EPB41L5: variants seen among roughly 807,000 people sequenced by gnomAD.
EPB41L5 encodes the protein band 4.1-like protein 5.
A neutral mutation model predicts 106.6 loss-of-function variants in EPB41L5; 55 were observed. That is an observed-to-expected ratio of 0.52 (90% confidence interval 0.42 to 0.65). The LOEUF (loss-of-function observed/expected upper bound fraction) is 0.65, where lower values mean the gene tolerates loss of function less well. Among genes scored for constraint, EPB41L5 ranks in the 30% least tolerant of loss-of-function variants. The pLI, the probability that EPB41L5 is intolerant of heterozygous loss-of-function variation, is 0.00. For synonymous variants in EPB41L5, 297 were observed against 306.7 expected (o/e 0.97, Z 0.33); for missense variants, 871 against 882.1 (o/e 0.99, Z 0.16).
chr2:120,102,622 A>G (rs921009891), intron 16 of EPB41L5, among the ~76,000 whole-genome samples: 6 of 152,188 alleles, frequency 3.9e-5, no homozygotes, highest in African/African-American at 1.4e-4. Context: ...AATGCTTCCT[A>G]TGTTTGAACA....
At chr2:120,140,292 C>T (rs1019497033) in intron 18 of EPB41L5, among the ~76,000 whole-genome samples, 1 of 151,828 alleles carries the variant, frequency 6.6e-6, no homozygotes, top group Admixed American at 6.6e-5. Context: ...TTAAAAATAA[C>T]GGTATAATTG....
chr2:120,099,160 A>AT (rs1281968595), intron 14 of EPB41L5, among the ~76,000 whole-genome samples: 6 of 152,106 alleles, frequency 3.9e-5, no homozygotes, highest in Non-Finnish European at 5.9e-5. Flanking sequence ...CTTTCAAGGA[A>AT]TTTTTTTATA....
intron 2 of EPB41L5, 139 bp downstream of exon 2, chr2:120,019,403 T>C (rs1677774524): frequency 4.4e-6 from 3 of 679,136 alleles, no homozygotes; most frequent in South Asian, 2.5e-5. Flanking sequence ...CACTGTAACA[T>C]TCAGGTACAT....
intron 3 of EPB41L5, among the ~76,000 whole-genome samples, chr2:120,071,049 C>A (rs576868405): frequency 6.6e-6 from 1 of 152,208 alleles, no homozygotes; most frequent in South Asian, 2.1e-4. Flanking sequence ...AGTCAGATTG[C>A]CTCTGTTTGC....
chr2:120,102,318 GA>G (rs1482188693), intron 16 of EPB41L5, among the ~76,000 whole-genome samples: 3 of 152,106 alleles, frequency 2.0e-5, no homozygotes, highest in Non-Finnish European at 4.4e-5. Flanking sequence ...TAAGGAAAAT[GA>G]AAAATTTGGA....
At chr2:120,093,982 TG>T (rs1312298940) in intron 14 of EPB41L5, among the ~76,000 whole-genome samples, 1 of 152,048 alleles carries the variant, frequency 6.6e-6, no homozygotes, top group African/African-American at 2.4e-5. Flanking sequence ...TTTTTTTTGT[TG>T]GGGTGGGGGT....
chr2:120,150,054 G>A (rs1487788467), intron 20 of EPB41L5, among the ~76,000 whole-genome samples: 1 of 151,804 alleles, frequency 6.6e-6, no homozygotes, highest in African/African-American at 2.4e-5. Flanking sequence ...CACCATGCTC[G>A]GCTAAGTTTT....
intron 2 of EPB41L5, among the ~76,000 whole-genome samples, chr2:120,024,652 G>C (rs1160175235): frequency 6.6e-6 from 1 of 152,016 alleles, no homozygotes; most frequent in Non-Finnish European, 1.5e-5. Context: ...GTAGAGATGG[G>C]GTTTCACCGT....
At chr2:120,144,870 A>G (rs926183443) in intron 19 of EPB41L5, among the ~76,000 whole-genome samples, 7 of 152,248 alleles carry the variant, frequency 4.6e-5, no homozygotes, top group African/African-American at 1.7e-4. Context: ...AAAACCCAAG[A>G]TAGTTCACCA....
Position 120,073,172 on chromosome 2 carries a change from T to C in EPB41L5, c.286-6T>C. On this transcript the variant is annotated splice_region_variant and splice_polypyrimidine_tract_variant and intron_variant, in intron 3 of 24. Transcript: ENST00000263713. Reference sequence around the variant, plus strand: ...GCTTAACTAAATTTTTGTTTTTGTTTTTCAGCATTGGTTGGATGGTACAAA... The same window carrying C: ...GCTTAACTAAATTTTTGTTTTTGTTCTTCAGCATTGGTTGGATGGTACAAA... 1 of 1,601,580 alleles carries C rather than the reference T, an allele frequency of 6.2e-7. No individual in the cohort carries two copies. Among genetic ancestry groups the C allele is most frequent in the Non-Finnish European group, 8.5e-7 (1 of 1,177,376 alleles).
intron 3 of EPB41L5, among the ~76,000 whole-genome samples, chr2:120,067,364 C>T (rs115887183): frequency 5.9e-5 from 9 of 152,250 alleles, no homozygotes; most frequent in African/African-American, 1.7e-4. Flanking sequence ...TGCCTATCTG[C>T]GTTTCTGAAA....
At chr2:120,099,831 T>C (rs1162044499) in intron 14 of EPB41L5, among the ~76,000 whole-genome samples, 2 of 152,318 alleles carry the variant, frequency 1.3e-5, no homozygotes, top group South Asian at 2.1e-4. Flanking sequence ...TTTTGAGTTA[T>C]AAAACGCTGA....
At chr2:120,138,229 A>G (rs1038353499) in intron 18 of EPB41L5, among the ~76,000 whole-genome samples, 3 of 152,076 alleles carry the variant, frequency 2.0e-5, no homozygotes, top group African/African-American at 2.4e-5. Flanking sequence ...ACTAAAAGCC[A>G]TGTTATGACA....
intron 2 of EPB41L5, among the ~76,000 whole-genome samples, chr2:120,039,024 A>C (rs943818568): frequency 4.6e-5 from 7 of 152,254 alleles, no homozygotes; most frequent in Non-Finnish European, 1.0e-4. Context: ...ATTTTGCAAT[A>C]CGGATGAACC....
chr2:120,065,521 T>TA (rs1197910629), intron 3 of EPB41L5, among the ~76,000 whole-genome samples: 1 of 150,488 alleles, frequency 6.6e-6, no homozygotes, highest in Non-Finnish European at 1.5e-5. Context: ...TGTTCTTTTT[T>TA]TTTTTTTTTG....
chr2:120,166,683 A>T (rs12988474), intron 22 of EPB41L5, among the ~76,000 whole-genome samples: 2 of 152,082 alleles, frequency 1.3e-5, no homozygotes, highest in African/African-American at 4.8e-5. Context: ...TGATCTGCCC[A>T]CCTCGCCCTC....
chr2:120,023,656 G>A (rs1241456692), intron 2 of EPB41L5, among the ~76,000 whole-genome samples: 1 of 152,110 alleles, frequency 6.6e-6, no homozygotes, highest in Non-Finnish European at 1.5e-5. Flanking sequence ...GATTGTCTTG[G>A]CTATACGGGC....
At chr2:120,020,629 A>G (rs1677856925) in intron 2 of EPB41L5, among the ~76,000 whole-genome samples, 4 of 152,136 alleles carry the variant, frequency 2.6e-5, no homozygotes, top group African/African-American at 9.7e-5. Flanking sequence ...TTTCATACTC[A>G]TTTCTTATTT....
At chr2:120,059,578 C>T (rs1233066435) in intron 3 of EPB41L5, among the ~76,000 whole-genome samples, 1 of 152,180 alleles carries the variant, frequency 6.6e-6, no homozygotes, top group East Asian at 1.9e-4. Flanking sequence ...GTATATCACA[C>T]ATCTGACCAG....
Sources: allele counts gnomAD v4.1 joint callset (sites outside exome capture counted in the v4.1 genomes callset), GRCh38; gene constraint gnomAD v4.1.1; transcripts MANE v1.5; gene names NCBI Gene and HGNC (gene_info 2026-07-23, HGNC 2026-07-21).